AP1S3: variants seen among roughly 807,000 people sequenced by gnomAD.
AP1S3 encodes adaptor related protein complex 1 subunit sigma 3.
In AP1S3, 10 loss-of-function variants were observed where a neutral mutation model predicts 20.9. The ratio of observed to expected loss-of-function variants is 0.48; its 90% CI spans 0.29 to 0.81. The LOEUF is 0.81. Among genes scored for constraint, AP1S3 ranks in the 30% least tolerant of loss-of-function variants. The pLI, the probability that AP1S3 is intolerant of heterozygous loss-of-function variation, is 0.08. For synonymous variants in AP1S3, 41 were observed against 61.5 expected (o/e 0.67, Z 1.56); for missense variants, 154 against 183.8 (o/e 0.84, Z 0.94).
At position 223,758,102 on chromosome 2, in the gene AP1S3, T is replaced by C. The variant is rs1396898204; in HGVS notation, c.*613A>G. On this transcript the variant is annotated 3_prime_UTR_variant, in exon 5 of 5. Coordinates refer to ENST00000396654, the MANE Select transcript of AP1S3 (RefSeq NM_001039569.2). ...GCTTCTAAGGCATCAAAAACACTTA[T>C]TAAGTTCTATACTCTTTGGTTATTT... 3.7e-5 allele frequency: 36 copies of C among 984,100 alleles called. No homozygotes were observed. Among genetic ancestry groups the C allele is most frequent in the Non-Finnish European group, 4.2e-5 (35 of 828,804 alleles). The allele number at this position is 984,100 out of a possible 1,614,324, so 61.0% of individuals were successfully genotyped here.
chr2:223,836,706 G>A (rs1343853549), intron 1 of AP1S3, among the ~76,000 whole-genome samples: 2 of 152,182 alleles, frequency 1.3e-5, no homozygotes, highest in Non-Finnish European at 2.9e-5. Context: ...TTCAGCCTGG[G>A]CGACAGAGCG....
At chr2:223,763,697 TTC>T (rs144627483) in intron 4 of AP1S3, among the ~76,000 whole-genome samples, 155 of 152,314 alleles carry the variant, frequency 1.0e-3, no homozygotes, top group African/African-American at 3.5e-3. Flanking sequence ...TGCATTGGCC[TTC>T]TAATAGGCAC....
chr2:223,817,557 G>A lies in AP1S3; in HGVS notation c.3+19891C>T, dbSNP rs184722655. On this transcript the variant is annotated intron_variant, in intron 1 of 4. Transcript: ENST00000396654. ...CGGGAGGTGGAGGTTGCAGTGAGCC[G>A]AGATCGCACCATTGCACTCCAGCCT... Among the ~76,000 whole-genome samples the A allele has an allele frequency of 2.0e-4, 29 of 148,200 alleles. No homozygotes were observed. The East Asian group carries it at 4.6e-3, about 23-fold the overall frequency.
intron 1 of AP1S3, among the ~76,000 whole-genome samples, chr2:223,829,116 G>A (rs889622199): frequency 3.7e-4 from 56 of 152,076 alleles, no homozygotes; most frequent in Non-Finnish European, 1.3e-4. Context: ...TTACAGGCAT[G>A]AGCCACTGCA....
intron 1 of AP1S3, among the ~76,000 whole-genome samples, chr2:223,781,504 G>A (rs1304964444): frequency 6.6e-6 from 1 of 151,970 alleles, no homozygotes; most frequent in African/African-American, 2.4e-5. Context: ...GGAAGGCTGA[G>A]GAAGGAGGAT....
intron 1 of AP1S3, among the ~76,000 whole-genome samples, chr2:223,804,217 G>A (rs1691529973): frequency 6.6e-6 from 1 of 152,132 alleles, no homozygotes; most frequent in African/African-American, 2.4e-5. Flanking sequence ...CCACCAGCCA[G>A]GCAGTGGCTG....
At chr2:223,778,157 G>GCT (rs1465309494) in intron 1 of AP1S3, among the ~76,000 whole-genome samples, 2 of 150,150 alleles carry the variant, frequency 1.3e-5, no homozygotes, top group Non-Finnish European at 2.9e-5. Flanking sequence ...AAGGAGTGTC[G>GCT]CTCTGCTGCC....
Position 223,781,586 on chromosome 2 carries a change from AAAT to A in AP1S3, c.4-3720_4-3718del, listed in dbSNP as rs145947963. Among the ~76,000 whole-genome samples, 440 of 152,060 alleles carry A rather than the reference AAAT, an allele frequency of 2.9e-3. 3 individuals are homozygous for A. Among genetic ancestry groups the A allele is most frequent in the African/African-American group, 9.7e-3 (402 of 41,460 alleles). On this transcript the variant is annotated intron_variant, in intron 1 of 4. Coordinates refer to ENST00000396654, the MANE Select transcript of AP1S3 (RefSeq NM_001039569.2). ...CCCCATATCTATTTAAAATAACAAT[AAAT>A]AATAATAATAATAATCAAATTCAAT...
In AP1S3 at chr2:223,757,999, T is replaced by C. The variant is rs1201700279; in HGVS notation, c.*716A>G. 12 of 968,884 alleles carry C rather than the reference T, an allele frequency of 1.2e-5. No homozygotes were observed. The highest frequency in any genetic ancestry group is 2.3e-4 in the East Asian group (2 of 8,734). 60.0% of individuals were successfully genotyped at this position (968,884 alleles called of 1,614,324 possible). On this transcript the variant is annotated 3_prime_UTR_variant, in exon 5 of 5. Coordinates refer to ENST00000396654, the MANE Select transcript of AP1S3 (RefSeq NM_001039569.2). ...AGGTCTCTATAAACCTTAATAAATATATAGTTCATAGAAAACCTTATTGGA... is the reference window on the plus strand; with the variant it reads ...AGGTCTCTATAAACCTTAATAAATACATAGTTCATAGAAAACCTTATTGGA...
intron 1 of AP1S3, among the ~76,000 whole-genome samples, chr2:223,812,231 T>C (rs1472357600): frequency 2.0e-5 from 3 of 152,200 alleles, no homozygotes; most frequent in Non-Finnish European, 4.4e-5. Flanking sequence ...TTTGTTTTTG[T>C]TTTGTTTTGA....
intron 1 of AP1S3, among the ~76,000 whole-genome samples, chr2:223,826,546 T>C (rs2106130402): frequency 6.6e-6 from 1 of 152,160 alleles, no homozygotes; most frequent in South Asian, 2.1e-4. Flanking sequence ...TGAGCAGAGA[T>C]TGCACCACTG....
At chr2:223,765,159 C>CAT (rs1553580227) in intron 4 of AP1S3, 54 bp downstream of exon 4, 3 of 1,560,390 alleles carry the variant, frequency 1.9e-6, no homozygotes, top group East Asian at 2.3e-5. Flanking sequence ...ATTATTAACA[C>CAT]CATCATCATC....
At chr2:223,805,390 C>A (rs2106113973) in intron 1 of AP1S3, among the ~76,000 whole-genome samples, 1 of 152,232 alleles carries the variant, frequency 6.6e-6, no homozygotes, top group Non-Finnish European at 1.5e-5. Context: ...TTGCAGTGAG[C>A]CAAGATCGCA....
chr2:223,832,502 G>C (rs927972979), intron 1 of AP1S3, among the ~76,000 whole-genome samples: 1 of 152,106 alleles, frequency 6.6e-6, no homozygotes, highest in African/African-American at 2.4e-5. Flanking sequence ...ACACCACAAA[G>C]GGTCATTTCT....
chr2:223,784,001 C>T lies in AP1S3; in HGVS notation c.4-6132G>A, dbSNP rs140636517. On this transcript the variant is annotated intron_variant, in intron 1 of 4. Coordinates refer to ENST00000396654, the MANE Select transcript of AP1S3 (RefSeq NM_001039569.2). ...CATCCCTTAACGCCACTGCTCTGATCCTTACTTCCTCAGCCCTTTTTCCCA... is the reference window on the plus strand; with the variant it reads ...CATCCCTTAACGCCACTGCTCTGATTCTTACTTCCTCAGCCCTTTTTCCCA... Among the ~76,000 whole-genome samples, 736 of 152,266 alleles carry T rather than the reference C, an allele frequency of 4.8e-3. 3 individuals are homozygous for T. Among genetic ancestry groups the T allele is most frequent in the African/African-American group, 0.013 (524 of 41,566 alleles).
intron 1 of AP1S3, among the ~76,000 whole-genome samples, chr2:223,837,213 G>A (rs1692423160): frequency 6.6e-6 from 1 of 150,800 alleles, no homozygotes; most frequent in South Asian, 2.1e-4. Flanking sequence ...TCGAATGAAT[G>A]AATGGAGCCG....
At chr2:223,759,303 G>T (rs1690297636) in intron 4 of AP1S3, among the ~76,000 whole-genome samples, 1 of 151,778 alleles carries the variant, frequency 6.6e-6, no homozygotes, top group Non-Finnish European at 1.5e-5. Flanking sequence ...AAAAGAGAGA[G>T]AGAGAGAGAT....
At chr2:223,817,919 C>T (rs1368289411) in intron 1 of AP1S3, among the ~76,000 whole-genome samples, 1 of 152,036 alleles carries the variant, frequency 6.6e-6, no homozygotes, top group Non-Finnish European at 1.5e-5. Context: ...CAATTACATT[C>T]ATCAATAAAA....
chr2:223,762,222 C>T (rs895751196), intron 4 of AP1S3, among the ~76,000 whole-genome samples: 6 of 149,478 alleles, frequency 4.0e-5, no homozygotes, highest in East Asian at 2.0e-4. Flanking sequence ...CCACCTGCCT[C>T]GGCCCAAAGT....
Sources: allele counts gnomAD v4.1 joint callset (sites outside exome capture counted in the v4.1 genomes callset), GRCh38; gene constraint gnomAD v4.1.1; transcripts MANE v1.5; gene names NCBI Gene and HGNC (gene_info 2026-07-23, HGNC 2026-07-21).